The following PLCL2 variants were observed in gnomAD, a reference collection of about 807,000 sequenced individuals.
The protein encoded by PLCL2 is phospholipase C like 2.
Under a neutral mutation model 79.6 loss-of-function variants are expected in PLCL2, and 4 were observed. The observed-to-expected ratio is 0.05, with a 90% CI of 0.02 to 0.11. The LOEUF is 0.11. Among genes scored for constraint, PLCL2 ranks in the 10% least tolerant of loss-of-function variants. The pLI is 1.00. For missense variants in PLCL2, 895 were observed against 1,291.0 expected (o/e 0.69, Z 4.70); for synonymous variants, 484 against 457.7 (o/e 1.06, Z -0.73).
At chr3:16,954,736 G>A (rs1184595611) in intron 1 of PLCL2, among the ~76,000 whole-genome samples, 4 of 152,132 alleles carry the variant, frequency 2.6e-5, no homozygotes, top group Non-Finnish European at 5.9e-5. Flanking sequence ...GTGTGAGATG[G>A]TATCTCATTG....
intron 4 of PLCL2, among the ~76,000 whole-genome samples, chr3:17,053,885 T>C (rs2064867641): frequency 1.3e-5 from 2 of 152,170 alleles, no homozygotes; most frequent in South Asian, 4.1e-4. Flanking sequence ...GAAATACTTT[T>C]CAGGCCTTTT....
intron 1 of PLCL2, among the ~76,000 whole-genome samples, chr3:16,895,284 G>A (rs985222786): frequency 2.6e-5 from 4 of 151,968 alleles, no homozygotes; most frequent in African/African-American, 9.7e-5. Flanking sequence ...TTTGAGTCCT[G>A]TTTCAGAAAT....
intron 1 of PLCL2, among the ~76,000 whole-genome samples, chr3:16,924,585 C>T (rs954205540): frequency 1.3e-5 from 2 of 152,172 alleles, no homozygotes; most frequent in Admixed American, 6.5e-5. Flanking sequence ...AGGGGTATCT[C>T]AGGTCTTTCC....
Position 17,014,979 on chromosome 3 carries a change from T to A in PLCL2, c.3018+68T>A. ...ATATCCTAAGACAACACAGCAGACA[T>A]ACTTTGGAGCTTTTGCTGAAGTGCA... On this transcript the variant is annotated intron_variant, in intron 3 of 5. Coordinates refer to ENST00000615277, the MANE Select transcript of PLCL2 (RefSeq NM_001144382.2). The A allele has an allele frequency of 1.6e-5, 21 of 1,291,886 alleles. No individual in the cohort carries two copies. The South Asian group carries it at 2.4e-4, about 15-fold the overall frequency. 80.0% of individuals were successfully genotyped at this position (1,291,886 alleles called of 1,614,324 possible). A position where few individuals can be genotyped will look rare whatever the true frequency, so the allele number is the denominator to read the frequency against.
intron 4 of PLCL2, among the ~76,000 whole-genome samples, chr3:17,063,315 CT>C (rs201563489): frequency 0.042 from 2,454 of 59,122 alleles, 84 homozygotes; most frequent in Admixed American, 0.066. Context: ...CTCCTTCCTT[CT>C]TTTTTTTTAG....
At chr3:16,942,446 A>G (rs1361011525) in intron 1 of PLCL2, among the ~76,000 whole-genome samples, 1 of 152,146 alleles carries the variant, frequency 6.6e-6, no homozygotes, top group Non-Finnish European at 1.5e-5. Context: ...GCAGGCTAGA[A>G]AACAAGCCCT....
chr3:17,075,002 T>C (rs2124948867), intron 5 of PLCL2, among the ~76,000 whole-genome samples: 1 of 152,358 alleles, frequency 6.6e-6, no homozygotes, highest in South Asian at 2.1e-4. Flanking sequence ...GCACTTTAAA[T>C]TTCCTTCACA....
intron 4 of PLCL2, among the ~76,000 whole-genome samples, chr3:17,052,136 G>C (rs1453890273): frequency 2.7e-5 from 4 of 150,538 alleles, no homozygotes; most frequent in Non-Finnish European, 4.4e-5. Flanking sequence ...AAGTCATCGA[G>C]TCCAAAACAA....
intron 1 of PLCL2, among the ~76,000 whole-genome samples, chr3:16,996,544 C>G (rs1430345498): frequency 6.6e-6 from 1 of 152,076 alleles, no homozygotes; most frequent in Non-Finnish European, 1.5e-5. Flanking sequence ...CCAGAAGATT[C>G]AGACAGTGGG....
rs909934323 is a variant in PLCL2, at chr3:17,054,432, G to T, written c.3094+11483G>T. Among the ~76,000 whole-genome samples the T allele has an allele frequency of 4.6e-5, 7 of 151,926 alleles. No homozygotes were observed. In the East Asian group the frequency reaches 1.3e-3, roughly 29 times the overall value. On this transcript the variant is annotated intron_variant, in intron 4 of 5. Coordinates refer to ENST00000615277, the MANE Select transcript of PLCL2 (RefSeq NM_001144382.2). ...AGCTCTCCAAACTGTTCCAACTTTT[G>T]CCCATTACCAGTTCCAAAGCTGCTT...
chr3:16,890,417 C>G (rs942336422), intron 1 of PLCL2, among the ~76,000 whole-genome samples: 4 of 152,206 alleles, frequency 2.6e-5, no homozygotes, highest in Non-Finnish European at 4.4e-5. Flanking sequence ...GGAGCCTAAA[C>G]TAGAATGTTA....
intron 4 of PLCL2, among the ~76,000 whole-genome samples, chr3:17,048,084 C>CTT (rs36004545): frequency 0.18 from 26,676 of 145,750 alleles, 2,558 homozygotes; most frequent in Non-Finnish European, 0.2. Context: ...TGCTCAGAGA[C>CTT]TTTTTTTTTT....
chr3:17,051,646 G>A (rs973788675), intron 4 of PLCL2, among the ~76,000 whole-genome samples: 10 of 152,116 alleles, frequency 6.6e-5, no homozygotes, highest in African/African-American at 2.4e-4. Flanking sequence ...TGCAGATGCA[G>A]TCAGGTTTAT....
At chr3:16,959,231 T>G (rs994713226) in intron 1 of PLCL2, among the ~76,000 whole-genome samples, 14 of 152,184 alleles carry the variant, frequency 9.2e-5, no homozygotes, top group Admixed American at 5.9e-4. Flanking sequence ...TCTTAGTCTC[T>G]TTTGCTCCCT....
At chr3:16,910,647 C>T (rs1696857469) in intron 1 of PLCL2, among the ~76,000 whole-genome samples, 1 of 152,030 alleles carries the variant, frequency 6.6e-6, no homozygotes, top group African/African-American at 2.4e-5. Flanking sequence ...CAACCACTCC[C>T]AAATATACAT....
chr3:17,073,799 G>A (rs1202243183), intron 5 of PLCL2, among the ~76,000 whole-genome samples: 1 of 152,182 alleles, frequency 6.6e-6, no homozygotes, highest in Non-Finnish European at 1.5e-5. Context: ...AACTCCTCAT[G>A]CATTACAGTT....
chr3:16,949,391 A>G (rs2063630242), intron 1 of PLCL2, among the ~76,000 whole-genome samples: 1 of 152,098 alleles, frequency 6.6e-6, no homozygotes, highest in Non-Finnish European at 1.5e-5. Flanking sequence ...TTGCATGAGT[A>G]TTCATGAGCT....
chr3:17,004,360 G>T (rs1233883622), intron 1 of PLCL2, among the ~76,000 whole-genome samples: 3 of 152,074 alleles, frequency 2.0e-5, no homozygotes, highest in African/African-American at 4.8e-5. Flanking sequence ...TAGGGCAGGG[G>T]TGAGCTTTTG....
intron 2 of PLCL2, among the ~76,000 whole-genome samples, chr3:17,012,398 C>T (rs138760856): frequency 7.0e-4 from 107 of 152,304 alleles, no homozygotes; most frequent in African/African-American, 2.3e-3. Flanking sequence ...GTGTTACACA[C>T]CTTCATCCCA....
Sources: gnomAD v4.1 joint callset for allele counts (sites outside exome capture counted in the v4.1 genomes callset) on GRCh38, gnomAD v4.1.1 for gene constraint, MANE v1.5 for transcripts, NCBI Gene and HGNC (gene_info 2026-07-23, HGNC 2026-07-21) for gene names.